ABTB3: variants seen among roughly 807,000 people sequenced by gnomAD.
ABTB3 encodes the protein ankyrin repeat- and BTB/POZ domain-containing protein 3.
chr12:107,466,913 G>T, the ABTB3 span, among the ~76,000 whole-genome samples: 1 of 152,076 alleles, frequency 6.6e-6, no homozygotes, highest in African/African-American at 2.4e-5. Flanking sequence ...GAAGTTGGGG[G>T]CATTCAAGGC....
At chr12:107,620,048 A>G in the ABTB3 span, 1 of 1,614,188 alleles carries the variant, frequency 6.2e-7, no homozygotes. Flanking sequence ...GCAGCACCGC[A>G]GGCCTCTCAT....
At chr12:107,462,692 GTGA>G in the ABTB3 span, among the ~76,000 whole-genome samples, 7 of 151,758 alleles carry the variant, frequency 4.6e-5, no homozygotes, top group South Asian at 2.1e-4. Flanking sequence ...GGTAGTGATG[GTGA>G]TGATGGTGGT....
At chr12:107,424,769 A>T in the ABTB3 span, among the ~76,000 whole-genome samples, 18 of 151,968 alleles carry the variant, frequency 1.2e-4, no homozygotes, top group East Asian at 3.3e-3. Context: ...GAACCCTAAA[A>T]CCTAGCACTC....
the ABTB3 span, among the ~76,000 whole-genome samples, chr12:107,619,777 C>T: frequency 6.6e-6 from 1 of 152,166 alleles, no homozygotes; most frequent in Non-Finnish European, 1.5e-5. Flanking sequence ...TGAATTATGA[C>T]CTTTAATTTC....
chr12:107,642,306 C>T, the ABTB3 span: 12 of 732,590 alleles, frequency 1.6e-5, no homozygotes, highest in Non-Finnish European at 2.3e-5. Flanking sequence ...ACTCCCGGCC[C>T]CTCCTCACAG....
At chr12:107,504,845 G>C in the ABTB3 span, among the ~76,000 whole-genome samples, 1 of 152,234 alleles carries the variant, frequency 6.6e-6, no homozygotes, top group East Asian at 1.9e-4. Flanking sequence ...CAGCTGGTGT[G>C]AAGTCTCTCC....
the ABTB3 span, among the ~76,000 whole-genome samples, chr12:107,611,727 A>C: frequency 6.6e-6 from 1 of 152,212 alleles, no homozygotes; most frequent in Admixed American, 6.5e-5. Flanking sequence ...TTACTTTCCC[A>C]GAACTTTTGT....
the ABTB3 span, among the ~76,000 whole-genome samples, chr12:107,342,619 A>G: frequency 7.5e-3 from 1,142 of 152,252 alleles, 7 homozygotes; most frequent in Non-Finnish European, 0.012. Context: ...TGCAGGGTCA[A>G]GTCCAAGCTC....
chr12:107,319,215 C>G, the ABTB3 span: 4 of 1,581,972 alleles, frequency 2.5e-6, no homozygotes, highest in East Asian at 4.5e-5. Flanking sequence ...CGGCTGCTGC[C>G]GGACCTAGAC....
the ABTB3 span, among the ~76,000 whole-genome samples, chr12:107,372,723 A>G: frequency 6.6e-6 from 1 of 152,014 alleles, no homozygotes; most frequent in African/African-American, 2.4e-5. Flanking sequence ...GGCTTTTCTC[A>G]AATGTCCCGT....
At chr12:107,453,453 C>G in the ABTB3 span, among the ~76,000 whole-genome samples, 1 of 152,102 alleles carries the variant, frequency 6.6e-6, no homozygotes, top group Non-Finnish European at 1.5e-5. Flanking sequence ...ACCTAGCTAG[C>G]CCCTTCCACC....
the ABTB3 span, chr12:107,617,206 T>C: frequency 6.2e-7 from 1 of 1,613,902 alleles, no homozygotes; most frequent in Non-Finnish European, 8.5e-7. Flanking sequence ...GTTCTCACCC[T>C]GGCCAGGGAG....
At chr12:107,390,221 G>C in the ABTB3 span, among the ~76,000 whole-genome samples, 1 of 152,318 alleles carries the variant, frequency 6.6e-6, no homozygotes, top group East Asian at 1.9e-4. Flanking sequence ...TTTTTAAAAA[G>C]TACCTACTGT....
At chr12:107,512,069 A>G in the ABTB3 span, among the ~76,000 whole-genome samples, 1 of 152,188 alleles carries the variant, frequency 6.6e-6, no homozygotes, top group Non-Finnish European at 1.5e-5. Flanking sequence ...CTGGTAAAGG[A>G]AAACTAACTC....
At chr12:107,448,569 C>T in the ABTB3 span, among the ~76,000 whole-genome samples, 4,255 of 152,188 alleles carry the variant, frequency 0.028, 92 homozygotes, top group Non-Finnish European at 0.046. Context: ...GTGCAAAGCA[C>T]CCAGCATCAG....
At chr12:107,575,513 A>G in the ABTB3 span, among the ~76,000 whole-genome samples, 1 of 152,188 alleles carries the variant, frequency 6.6e-6, no homozygotes, top group Non-Finnish European at 1.5e-5. Context: ...TTCTCTTAAC[A>G]GTTCTGGCAG....
the ABTB3 span, among the ~76,000 whole-genome samples, chr12:107,614,000 A>T: frequency 6.6e-6 from 1 of 152,078 alleles, no homozygotes; most frequent in Non-Finnish European, 1.5e-5. Flanking sequence ...ATCCTTAAGC[A>T]CCATGCAGAC....
chr12:107,377,684 A>C, the ABTB3 span, among the ~76,000 whole-genome samples: 3 of 152,330 alleles, frequency 2.0e-5, no homozygotes, highest in South Asian at 6.2e-4. Flanking sequence ...AACATACACC[A>C]TGGTCATTTC....
the ABTB3 span, among the ~76,000 whole-genome samples, chr12:107,604,754 C>T: frequency 1.3e-5 from 2 of 152,250 alleles, 1 homozygote. Context: ...TCCAGGAATC[C>T]CATCACTGGC....
Sources: allele counts gnomAD v4.1 joint callset (sites outside exome capture counted in the v4.1 genomes callset), GRCh38; gene constraint gnomAD v4.1.1; transcripts MANE v1.5; gene names NCBI Gene and HGNC (gene_info 2026-07-23, HGNC 2026-07-21).